Variants in ACSS2 observed in about 807,000 individuals in gnomAD.
ACSS2 encodes acyl-CoA synthetase short chain family member 2.
In ACSS2, 58 loss-of-function variants were observed where a neutral mutation model predicts 90.6. The observed-to-expected ratio is 0.64, with a 90% CI of 0.52 to 0.80. The LOEUF is 0.80. Among genes scored for constraint, ACSS2 ranks in the 30% least tolerant of loss-of-function variants. The pLI, the probability that ACSS2 is intolerant of heterozygous loss-of-function variation, is 0.00. For missense variants in ACSS2, 759 were observed against 912.0 expected (o/e 0.83, Z 2.16); for synonymous variants, 300 against 330.9 (o/e 0.91, Z 1.01).
At chr20:34,923,267 A>T in intron 13 of ACSS2, 56 bp from the exon 14 acceptor site, 1 of 1,250,114 alleles carries the variant, frequency 8.0e-7, no homozygotes, top group Non-Finnish European at 1.2e-6. Flanking sequence ...AGCTGTAATT[A>T]TCTTCCAGTG....
chr20:34,885,930 G>A (rs145890564), intron 2 of ACSS2, among the ~76,000 whole-genome samples: 80 of 152,104 alleles, frequency 5.3e-4, no homozygotes, highest in African/African-American at 1.9e-3. Flanking sequence ...ATGGATATGG[G>A]GGTAAAAAGG....
chr20:34,918,865 A>G (rs1192093890), intron 7 of ACSS2, among the ~76,000 whole-genome samples: 1 of 152,242 alleles, frequency 6.6e-6, no homozygotes, highest in Non-Finnish European at 1.5e-5. Flanking sequence ...CTGTGTGTGC[A>G]TAGTCATTCA....
intron 14 of ACSS2, among the ~76,000 whole-genome samples, chr20:34,925,236 G>T (rs561722483): frequency 6.6e-6 from 1 of 152,270 alleles, no homozygotes; most frequent in South Asian, 2.1e-4. Flanking sequence ...CAAGCTGTTG[G>T]TAGGGCCTGT....
chr20:34,921,500 A>T lies in ACSS2; in HGVS notation c.1410+38A>T, dbSNP rs139624515. On this transcript the variant is annotated intron_variant, in intron 11 of 17. Coordinates refer to ENST00000360596, the MANE Select transcript of ACSS2 (RefSeq NM_018677.4). Reference sequence around the variant, plus strand: ...TACAGAAGGCTGGGGCCCAGGGACAATGTGGGAAGATTGACTCAAATTTCT... The same window carrying T: ...TACAGAAGGCTGGGGCCCAGGGACATTGTGGGAAGATTGACTCAAATTTCT... 12 of 1,614,148 alleles carry T rather than the reference A, an allele frequency of 7.4e-6. 1 individual carries two copies. The South Asian group carries it at 1.3e-4, about 18-fold the overall frequency.
At chr20:34,884,600 T>C (rs902698674) in intron 2 of ACSS2, among the ~76,000 whole-genome samples, 1 of 152,234 alleles carries the variant, frequency 6.6e-6, no homozygotes, top group African/African-American at 2.4e-5. Context: ...TGGTCTATTA[T>C]TATACTACCA....
chr20:34,911,105 C>T (rs989497125), intron 2 of ACSS2, among the ~76,000 whole-genome samples: 67 of 151,916 alleles, frequency 4.4e-4, no homozygotes, highest in Non-Finnish European at 5.9e-5. Context: ...GTTGGGATTA[C>T]AGGCATGAGC....
upstream of ACSS2, chr20:34,876,397 C>T (rs1430024451): frequency 2.7e-6 from 1 of 375,440 alleles, no homozygotes; most frequent in Non-Finnish European, 4.7e-6. Flanking sequence ...TCACTCCTTC[C>T]GGCAAGTCAG....
chr20:34,898,539 C>T (rs968793344), intron 2 of ACSS2, among the ~76,000 whole-genome samples: 16 of 151,648 alleles, frequency 1.1e-4, no homozygotes, highest in East Asian at 1.9e-4. Flanking sequence ...TACAGAGTGC[C>T]GATTGGTGTA....
chr20:34,888,789 G>A (rs1476467489), intron 2 of ACSS2, among the ~76,000 whole-genome samples: 1 of 152,148 alleles, frequency 6.6e-6, no homozygotes, highest in African/African-American at 2.4e-5. Flanking sequence ...CAGATAGTTG[G>A]GGTAGGGAGG....
At chr20:34,878,450 A>G (rs1280573453) in intron 1 of ACSS2, among the ~76,000 whole-genome samples, 1 of 152,204 alleles carries the variant, frequency 6.6e-6, no homozygotes, top group Non-Finnish European at 1.5e-5. Context: ...ATGGGTTTGT[A>G]TGAGGTCTAA....
At chr20:34,876,528 C>CCCCCACTCACCAGGCCCCG, upstream of ACSS2, 1 of 1,197,840 alleles carries the variant, frequency 8.3e-7, no homozygotes, top group Non-Finnish European at 1.1e-6. Context: ...CTAAGCCACT[C>CCCCCACTCACCAGGCCCCG]CCCCACTCAC....
chr20:34,880,453 G>A (rs2080043295), intron 1 of ACSS2, among the ~76,000 whole-genome samples: 1 of 151,076 alleles, frequency 6.6e-6, no homozygotes, highest in South Asian at 2.1e-4. Flanking sequence ...CTGAGATGGG[G>A]GGATCACTTG....
chr20:34,913,613 G>A lies in ACSS2; in HGVS notation c.570+117G>A. On this transcript the variant is annotated intron_variant, in intron 4 of 17. Transcript: ENST00000360596. Reference sequence around the variant, plus strand: ...AAACTAAGGAGCTTAGAAGGTTTGTGTCATAGGTCCATATTAGTTATTCAG... The same window carrying A: ...AAACTAAGGAGCTTAGAAGGTTTGTATCATAGGTCCATATTAGTTATTCAG... 2.4e-6 allele frequency: 3 copies of A among 1,264,128 alleles called. No individual in the cohort carries two copies. The South Asian group carries it at 3.9e-5, about 16-fold the overall frequency. The allele number at this position is 1,264,128 out of a possible 1,614,324, so 78.3% of individuals were successfully genotyped here. A position where few individuals can be genotyped will look rare whatever the true frequency, so the allele number is the denominator to read the frequency against.
At chr20:34,877,850 G>T (rs1202471734) in intron 1 of ACSS2, among the ~76,000 whole-genome samples, 1 of 129,780 alleles carries the variant, frequency 7.7e-6, no homozygotes, top group African/African-American at 3.0e-5. Flanking sequence ...AAAAAAAAAA[G>T]GTATAAGGAA....
chr20:34,888,170 G>T (rs373880108), intron 2 of ACSS2, among the ~76,000 whole-genome samples: 49 of 151,958 alleles, frequency 3.2e-4, no homozygotes, highest in East Asian at 2.7e-3. Context: ...TTATAGGGAG[G>T]CAGGATAATA....
chr20:34,915,800 T>G (rs944004247), intron 7 of ACSS2, among the ~76,000 whole-genome samples: 1 of 152,228 alleles, frequency 6.6e-6, no homozygotes, highest in Non-Finnish European at 1.5e-5. Context: ...AAAGTCATAT[T>G]GTAGGTGGTT....
intron 1 of ACSS2, among the ~76,000 whole-genome samples, chr20:34,877,920 A>ATAGATAGATAGG (rs1555878365): frequency 6.7e-6 from 1 of 150,232 alleles, no homozygotes; most frequent in Non-Finnish European, 1.5e-5. Flanking sequence ...AGATAGATAG[A>ATAGATAGATAGG]TAGATAGATA....
chr20:34,920,812 C>T, intron 9 of ACSS2, 103 bp downstream of exon 9: 1 of 1,473,746 alleles, frequency 6.8e-7, no homozygotes, highest in Non-Finnish European at 9.2e-7. Flanking sequence ...CTTATACAAT[C>T]ATCTGTTTTC....
rs761646422 is a variant in ACSS2, at chr20:34,882,924, C to T, written c.309C>T (p.Ile103=). 1 of 1,613,982 alleles carries T rather than the reference C, an allele frequency of 6.2e-7. No individual in the cohort carries two copies. Among genetic ancestry groups the T allele is most frequent in the Non-Finnish European group, 8.5e-7 (1 of 1,179,956 alleles). The part of the protein sequence containing the change: ...IEWMKGATTN[I]CYNVLDRNVH... ...GGATGAAAGGAGCAACTACCAACAT[C>T]TGCTACAATGTACTGGATCGAAATG... Residue 103 remains isoleucine (I), a synonymous_variant, in exon 2 of 18, where the codon ATC becomes ATT. Transcript: ENST00000360596.
Sources: allele counts gnomAD v4.1 joint callset (sites outside exome capture counted in the v4.1 genomes callset), GRCh38; gene constraint gnomAD v4.1.1; transcripts MANE v1.5; gene names NCBI Gene and HGNC (gene_info 2026-07-23, HGNC 2026-07-21).